The following GUCY1A2 variants were observed in gnomAD, a reference collection of about 807,000 sequenced individuals.
GUCY1A2 encodes the protein guanylate cyclase soluble subunit alpha-2.
GUCY1A2 carries 27 observed loss-of-function variants against 63.5 expected under a neutral mutation model. The observed-to-expected ratio is 0.43, with a 90% CI of 0.31 to 0.59. GUCY1A2 has a LOEUF of 0.59. Ranked by LOEUF, GUCY1A2 falls within the 20% of genes least tolerant of loss-of-function variation. The probability of loss-of-function intolerance (pLI) is 0.11; values close to 1 mark genes in which losing one functional copy is unlikely to be tolerated. For synonymous variants in GUCY1A2, 364 were observed against 343.5 expected, an observed-to-expected ratio of 1.06 and a Z score of -0.66; for missense variants, 768 against 913.3, an observed-to-expected ratio of 0.84 and a Z score of 2.05.
At chr11:106,853,265 C>G (rs1859380567) in intron 4 of GUCY1A2, among the ~76,000 whole-genome samples, 2 of 152,030 alleles carry the variant, frequency 1.3e-5, no homozygotes, top group African/African-American at 2.4e-5. Context: ...TCTGAAAATC[C>G]AAATATATCT....
At chr11:106,847,697 G>A (rs1445646241) in intron 4 of GUCY1A2, among the ~76,000 whole-genome samples, 1 of 151,542 alleles carries the variant, frequency 6.6e-6, no homozygotes, top group African/African-American at 2.4e-5. Flanking sequence ...TAGAGGCTGA[G>A]CCCTAGAAAT....
chr11:106,830,230 G>T (rs1859031880), intron 4 of GUCY1A2, among the ~76,000 whole-genome samples: 1 of 152,180 alleles, frequency 6.6e-6, no homozygotes, highest in African/African-American at 2.4e-5. Context: ...GGGGATTGGT[G>T]CATTTCTGGT....
intron 4 of GUCY1A2, among the ~76,000 whole-genome samples, chr11:106,905,679 C>G (rs1860195154): frequency 6.6e-6 from 1 of 152,018 alleles, no homozygotes; most frequent in Non-Finnish European, 1.5e-5. Flanking sequence ...CCGGTCTAAA[C>G]AAATTAGAGC....
intron 5 of GUCY1A2, among the ~76,000 whole-genome samples, chr11:106,788,505 G>A (rs995400884): frequency 3.3e-5 from 5 of 152,084 alleles, no homozygotes; most frequent in Admixed American, 2.6e-4. Flanking sequence ...TCTTTTAGTG[G>A]TTTCATAGTT....
intron 1 of GUCY1A2, among the ~76,000 whole-genome samples, chr11:107,008,246 T>G (rs1861698663): frequency 7.7e-6 from 1 of 129,590 alleles, no homozygotes; most frequent in African/African-American, 2.9e-5. Context: ...GCCACTGTAC[T>G]CCAGCTTGGG....
chr11:106,782,722 G>T (rs947098169), intron 5 of GUCY1A2, among the ~76,000 whole-genome samples: 2 of 151,896 alleles, frequency 1.3e-5, no homozygotes, highest in Non-Finnish European at 1.5e-5. Flanking sequence ...GGTCAATGGC[G>T]GTCTGCACAA....
chr11:106,995,546 T>C (rs1861523801), intron 1 of GUCY1A2, among the ~76,000 whole-genome samples: 1 of 152,198 alleles, frequency 6.6e-6, no homozygotes, highest in Admixed American at 6.5e-5. Context: ...CAGGATTTAT[T>C]TTTCTGAACC....
intron 4 of GUCY1A2, among the ~76,000 whole-genome samples, chr11:106,819,536 G>C (rs1240883366): frequency 6.6e-6 from 1 of 152,094 alleles, no homozygotes; most frequent in Non-Finnish European, 1.5e-5. Context: ...CAGCAAAAAA[G>C]ATTATGACTT....
intron 6 of GUCY1A2, among the ~76,000 whole-genome samples, chr11:106,744,833 A>G (rs561367389): frequency 1.3e-5 from 2 of 152,130 alleles, no homozygotes; most frequent in East Asian, 3.9e-4. Flanking sequence ...TTTGGTGGGT[A>G]CTCATGTTGT....
At chr11:106,954,888 G>A (rs565002346) in intron 3 of GUCY1A2, among the ~76,000 whole-genome samples, 31 of 151,926 alleles carry the variant, frequency 2.0e-4, no homozygotes, top group African/African-American at 2.9e-4. Flanking sequence ...TTATTTTGAG[G>A]CTGTGTGTGT....
At position 106,682,840 on chromosome 11, in the gene GUCY1A2, A is replaced by C. The variant is rs1157682454; in HGVS notation, c.*4709T>G. On this transcript the variant is annotated 3_prime_UTR_variant, in exon 8 of 8. Transcript: ENST00000526355. ...GAAGGAACAAAGGAAGGAAGAAAAC[A>C]AGGGATGGAAGAACAGTCATACGCA... 1 of 215,072 alleles carries C rather than the reference A, an allele frequency of 4.6e-6. No homozygotes were observed. The highest frequency in any genetic ancestry group is 2.3e-5 in the African/African-American group (1 of 44,368). 13.3% of individuals were successfully genotyped at this position (215,072 alleles called of 1,614,324 possible). A position where few individuals can be genotyped will look rare whatever the true frequency, so the allele number is the denominator to read the frequency against.
In GUCY1A2 at chr11:106,917,745, A is replaced by G. The variant is rs532832262; in HGVS notation, c.1206+21715T>C. 4.1e-4 allele frequency among the ~76,000 whole-genome samples: 49 copies of G among 120,206 alleles called. 3 individuals are homozygous for G. The South Asian group carries it at 0.016, about 39-fold the overall frequency. 78.9% of individuals were successfully genotyped at this position (120,206 alleles called of 152,430 possible). ...ACTCATAGGTGGGAATTGAACAATG[A>G]GAACACATGGACACAGGAAGGGGAG... On this transcript the variant is annotated intron_variant, in intron 4 of 7. Coordinates refer to ENST00000526355, the MANE Select transcript of GUCY1A2 (RefSeq NM_000855.3).
intron 5 of GUCY1A2, among the ~76,000 whole-genome samples, chr11:106,806,076 T>C (rs928844458): frequency 1.9e-4 from 29 of 152,112 alleles, no homozygotes; most frequent in African/African-American, 6.3e-4. Context: ...TATGTGTGTA[T>C]ATATACACAC....
At chr11:106,853,102 A>C (rs1859378035) in intron 4 of GUCY1A2, among the ~76,000 whole-genome samples, 2 of 152,292 alleles carry the variant, frequency 1.3e-5, no homozygotes, top group South Asian at 4.1e-4. Flanking sequence ...TTTGACTAAA[A>C]CATGCACCAG....
intron 6 of GUCY1A2, among the ~76,000 whole-genome samples, chr11:106,766,791 G>GCATATAGC (rs1565283182): frequency 2.0e-5 from 3 of 151,988 alleles, no homozygotes; most frequent in Non-Finnish European, 4.4e-5. Flanking sequence ...ATGCATATAG[G>GCATATAGC]CTTAAAAGAG....
intron 4 of GUCY1A2, among the ~76,000 whole-genome samples, chr11:106,934,616 G>A (rs939123334): frequency 1.2e-4 from 18 of 152,102 alleles, no homozygotes; most frequent in African/African-American, 4.1e-4. Flanking sequence ...TTTGAAAATT[G>A]TTTCCCAGCG....
intron 3 of GUCY1A2, among the ~76,000 whole-genome samples, chr11:106,945,703 G>A (rs557266588): frequency 6.6e-6 from 1 of 152,322 alleles, no homozygotes; most frequent in South Asian, 2.1e-4. Context: ...GGTGGCTTAC[G>A]CCTGTAATCC....
intron 3 of GUCY1A2, among the ~76,000 whole-genome samples, chr11:106,953,621 T>C (rs554083866): frequency 3.6e-4 from 55 of 152,184 alleles, no homozygotes; most frequent in Non-Finnish European, 6.5e-4. Flanking sequence ...ATATTTCTGG[T>C]AGAATTCAGC....
chr11:106,878,143 G>A (rs1464070460), intron 4 of GUCY1A2, among the ~76,000 whole-genome samples: 2 of 152,078 alleles, frequency 1.3e-5, no homozygotes, highest in African/African-American at 2.4e-5. Flanking sequence ...GTGCTGGCAC[G>A]GTTATGAAGA....
Sources: allele counts gnomAD v4.1 joint callset (sites outside exome capture counted in the v4.1 genomes callset), GRCh38; gene constraint gnomAD v4.1.1; transcripts MANE v1.5; gene names NCBI Gene and HGNC (gene_info 2026-07-23, HGNC 2026-07-21).